The following LRRC4C variants were observed in gnomAD, a reference collection of about 807,000 sequenced individuals.
LRRC4C encodes leucine rich repeat containing 4C, also known as leucine-rich repeat-containing protein 4C.
A neutral mutation model predicts 33.6 loss-of-function variants in LRRC4C; 5 were observed. The ratio of observed to expected loss-of-function variants is 0.15; its 90% CI spans 0.08 to 0.31. LRRC4C has a LOEUF of 0.31. Among genes scored for constraint, LRRC4C ranks in the 10% least tolerant of loss-of-function variants. The pLI is 1.00. For missense variants in LRRC4C, 560 were observed against 796.7 expected (o/e 0.70, Z 3.58); for synonymous variants, 329 against 302.0 (o/e 1.09, Z -0.93).
intron 1 of LRRC4C, among the ~76,000 whole-genome samples, chr11:41,088,082 G>T (rs1239074251): frequency 6.6e-6 from 1 of 152,048 alleles, no homozygotes; most frequent in Non-Finnish European, 1.5e-5. Context: ...CATTGGACAG[G>T]CAGACAAAAT....
At chr11:40,633,020 T>C (rs538832117) in intron 3 of LRRC4C, among the ~76,000 whole-genome samples, 22 of 152,366 alleles carry the variant, frequency 1.4e-4, no homozygotes, top group African/African-American at 5.0e-4. Flanking sequence ...CTTTGGGTTT[T>C]TTTCTTAACC....
intron 1 of LRRC4C, among the ~76,000 whole-genome samples, chr11:41,256,420 T>C (rs2136686398): frequency 6.6e-6 from 1 of 152,112 alleles, no homozygotes; most frequent in East Asian, 1.9e-4. Context: ...AAAATGATAA[T>C]TGCATTGTTT....
intron 2 of LRRC4C, among the ~76,000 whole-genome samples, chr11:40,754,691 A>C (rs1207442232): frequency 6.6e-6 from 1 of 152,100 alleles, no homozygotes; most frequent in African/African-American, 2.4e-5. Context: ...TATATTAACA[A>C]AGCAGTATCT....
At chr11:40,696,748 G>GTATATATATATATATATATATA (rs57752272) in intron 2 of LRRC4C, among the ~76,000 whole-genome samples, 7 of 125,884 alleles carry the variant, frequency 5.6e-5, no homozygotes, top group African/African-American at 2.2e-4. Flanking sequence ...TATACACTGT[G>GTATATATATATATATATATATA]TATATATATA....
chr11:40,337,175 T>A (rs1946666736), intron 3 of LRRC4C, among the ~76,000 whole-genome samples: 1 of 152,024 alleles, frequency 6.6e-6, no homozygotes, highest in Admixed American at 6.6e-5. Flanking sequence ...CGTAGCAAAG[T>A]GCTTGGAATT....
At chr11:41,197,124 T>C (rs757720215) in intron 1 of LRRC4C, among the ~76,000 whole-genome samples, 15 of 152,040 alleles carry the variant, frequency 9.9e-5, no homozygotes, top group Non-Finnish European at 1.8e-4. Context: ...CAGCTACACT[T>C]CCCTTCAAGT....
chr11:41,035,651 A>G (rs1249171278), intron 1 of LRRC4C, among the ~76,000 whole-genome samples: 1 of 152,138 alleles, frequency 6.6e-6, no homozygotes, highest in East Asian at 1.9e-4. Flanking sequence ...TCACACACAT[A>G]TATAGACCAA....
intron 3 of LRRC4C, among the ~76,000 whole-genome samples, chr11:40,353,601 G>A (rs1018550653): frequency 1.3e-5 from 2 of 152,070 alleles, no homozygotes; most frequent in African/African-American, 4.8e-5. Flanking sequence ...GTAATTCTAG[G>A]TATTTGGGAG....
chr11:41,050,631 T>C (rs907003901), intron 1 of LRRC4C, among the ~76,000 whole-genome samples: 1 of 152,206 alleles, frequency 6.6e-6, no homozygotes, highest in African/African-American at 2.4e-5. Context: ...CTCACTCTTT[T>C]TTATGGCTGC....
At chr11:40,169,219 G>C (rs1193865198) in intron 5 of LRRC4C, among the ~76,000 whole-genome samples, 1 of 152,092 alleles carries the variant, frequency 6.6e-6, no homozygotes, top group Admixed American at 6.6e-5. Context: ...TATTCTGAAG[G>C]AGTTCATGGA....
intron 4 of LRRC4C, among the ~76,000 whole-genome samples, chr11:40,251,605 G>T (rs1866791844): frequency 6.6e-6 from 1 of 152,086 alleles, no homozygotes. Flanking sequence ...AAGGTCAGGG[G>T]GCCTGCATAT....
intron 3 of LRRC4C, among the ~76,000 whole-genome samples, chr11:40,499,174 G>C (rs375503224): frequency 7.2e-5 from 11 of 152,186 alleles, no homozygotes; most frequent in East Asian, 3.9e-4. Context: ...AGCCTTGGCA[G>C]AAACTATCCA....
intron 1 of LRRC4C, among the ~76,000 whole-genome samples, chr11:41,257,856 C>T (rs1360354944): frequency 6.6e-6 from 1 of 152,056 alleles, no homozygotes; most frequent in Non-Finnish European, 1.5e-5. Context: ...ATTTACCAAT[C>T]CTTCATATGA....
chr11:40,455,150 C>T (rs539487375), intron 3 of LRRC4C, among the ~76,000 whole-genome samples: 1 of 152,186 alleles, frequency 6.6e-6, no homozygotes, highest in South Asian at 2.1e-4. Flanking sequence ...AAAATCACAC[C>T]CCAAAATATA....
At chr11:40,732,773 C>T (rs1255656516) in intron 2 of LRRC4C, among the ~76,000 whole-genome samples, 4 of 152,108 alleles carry the variant, frequency 2.6e-5, no homozygotes, top group Non-Finnish European at 4.4e-5. Context: ...TTAAAAACCC[C>T]AACTACCAGG....
At chr11:40,769,810 C>T (rs997686471) in intron 2 of LRRC4C, among the ~76,000 whole-genome samples, 1 of 152,058 alleles carries the variant, frequency 6.6e-6, no homozygotes. Flanking sequence ...CTATCTCTTG[C>T]CATATACAAA....
chr11:40,682,782 T>TAAATA (rs1196912071), intron 2 of LRRC4C, among the ~76,000 whole-genome samples: 1 of 88,004 alleles, frequency 1.1e-5, no homozygotes, highest in Non-Finnish European at 2.9e-5. Context: ...ATAAATAAAA[T>TAAATA]AAAGATATCT....
At chr11:40,949,212 G>T (rs1958573909) in intron 1 of LRRC4C, among the ~76,000 whole-genome samples, 1 of 152,130 alleles carries the variant, frequency 6.6e-6, no homozygotes, top group Non-Finnish European at 1.5e-5. Flanking sequence ...TTTTGATGGG[G>T]TTGTTTGTTT....
chr11:40,742,535 G>A (rs1263369153), intron 2 of LRRC4C, among the ~76,000 whole-genome samples: 1 of 151,972 alleles, frequency 6.6e-6, no homozygotes, highest in Admixed American at 6.6e-5. Context: ...TTAATAGCAA[G>A]TAGATGGCAT....
Sources: gnomAD v4.1 joint callset for allele counts (sites outside exome capture counted in the v4.1 genomes callset) on GRCh38, gnomAD v4.1.1 for gene constraint, MANE v1.5 for transcripts, NCBI Gene and HGNC (gene_info 2026-07-23, HGNC 2026-07-21) for gene names.